Variants in WDTC1 observed in about 807,000 individuals in gnomAD.
WDTC1 encodes WD and tetratricopeptide repeats protein 1.
WDTC1 carries 12 observed loss-of-function variants against 76.0 expected under a neutral mutation model. The observed-to-expected ratio is 0.16, with a 90% CI of 0.10 to 0.26. The LOEUF is 0.26. Ranked by LOEUF, WDTC1 falls within the 10% of genes least tolerant of loss-of-function variation. WDTC1 has a pLI of 1.00. For missense variants in WDTC1, 511 were observed against 908.8 expected (o/e 0.56, Z 5.63); for synonymous variants, 326 against 350.8 (o/e 0.93, Z 0.79).
chr1:27,237,861 CAA>C (rs11427877), intron 1 of WDTC1, among the ~76,000 whole-genome samples: 10 of 126,286 alleles, frequency 7.9e-5, no homozygotes, highest in African/African-American at 1.9e-4. Context: ...AACTCCATCT[CAA>C]AAAAAAAAAA....
chr1:27,254,238 C>T (rs1046598220), intron 1 of WDTC1, among the ~76,000 whole-genome samples: 10 of 152,114 alleles, frequency 6.6e-5, no homozygotes, highest in Non-Finnish European at 1.3e-4. Flanking sequence ...TAGGCATGCT[C>T]CAAGATGAGC....
At chr1:27,256,210 C>T (rs2012275096) in intron 1 of WDTC1, among the ~76,000 whole-genome samples, 1 of 152,098 alleles carries the variant, frequency 6.6e-6, no homozygotes, top group Non-Finnish European at 1.5e-5. Context: ...CCACTACTTA[C>T]ACAGCTAACA....
intron 1 of WDTC1, among the ~76,000 whole-genome samples, chr1:27,251,781 C>T (rs147705686): frequency 1.7e-4 from 26 of 151,638 alleles, no homozygotes; most frequent in Non-Finnish European, 2.9e-4. Flanking sequence ...ATGCTATGAT[C>T]GCACCACTAT....
intron 3 of WDTC1, among the ~76,000 whole-genome samples, chr1:27,277,591 C>T (rs1364478644): frequency 6.6e-6 from 1 of 152,060 alleles, no homozygotes; most frequent in East Asian, 1.9e-4. Flanking sequence ...GCCCCTGTTC[C>T]CAGCCTGTCT....
At chr1:27,247,771 T>G (rs2147910549) in intron 1 of WDTC1, among the ~76,000 whole-genome samples, 1 of 149,938 alleles carries the variant, frequency 6.7e-6, no homozygotes, top group East Asian at 2.0e-4. Flanking sequence ...CAGCCTGGAG[T>G]GCAATGGCGT....
At chr1:27,300,828 G>A (rs1052442390) in intron 12 of WDTC1, among the ~76,000 whole-genome samples, 3 of 152,190 alleles carry the variant, frequency 2.0e-5, no homozygotes, top group African/African-American at 7.2e-5. Flanking sequence ...TGGCTTTGAA[G>A]GCCAGCCGGG....
chr1:27,253,238 G>A (rs2147919402), intron 1 of WDTC1, among the ~76,000 whole-genome samples: 1 of 152,120 alleles, frequency 6.6e-6, no homozygotes, highest in Non-Finnish European at 1.5e-5. Context: ...TTGATCTCCT[G>A]ACCTTGGCCT....
intron 1 of WDTC1, among the ~76,000 whole-genome samples, chr1:27,245,598 C>T (rs1175880860): frequency 6.7e-6 from 1 of 149,706 alleles, no homozygotes; most frequent in African/African-American, 2.5e-5. Flanking sequence ...GAGACAGAGT[C>T]TTGCCCTGTC....
At chr1:27,278,510 A>G (rs1306028617) in intron 3 of WDTC1, among the ~76,000 whole-genome samples, 1 of 152,182 alleles carries the variant, frequency 6.6e-6, no homozygotes, top group Admixed American at 6.5e-5. Context: ...GACCAACACA[A>G]TTCCTGGCCC....
chr1:27,241,980 C>T (rs1055000008), intron 1 of WDTC1, among the ~76,000 whole-genome samples: 3 of 151,590 alleles, frequency 2.0e-5, no homozygotes, highest in Admixed American at 1.3e-4. Context: ...CAGCCTCAGG[C>T]TCCTGGGTTC....
At chr1:27,244,303 C>G (rs989846626) in intron 1 of WDTC1, among the ~76,000 whole-genome samples, 3 of 152,004 alleles carry the variant, frequency 2.0e-5, no homozygotes, top group Non-Finnish European at 4.4e-5. Context: ...CAGCTACACT[C>G]TTCATTTTAT....
Position 27,303,217 on chromosome 1 carries a change from T to C in WDTC1, c.1469-404T>C, listed in dbSNP as rs1265090781. Reference sequence around the variant, plus strand: ...TGAACCTTGGAGGTGGAGGTTGCAGTGAGCCGAGATCACGCCACTGCACTC... The same window carrying C: ...TGAACCTTGGAGGTGGAGGTTGCAGCGAGCCGAGATCACGCCACTGCACTC... On this transcript the variant is annotated intron_variant, in intron 13 of 15. Transcript: ENST00000319394. The surrounding 1 kb of genome is among the most constrained non-coding windows in gnomAD (Gnocchi z 4.8). Among the ~76,000 whole-genome samples the C allele has an allele frequency of 6.7e-6, 1 of 149,268 alleles. No homozygotes were observed. Among genetic ancestry groups the C allele is most frequent in the African/African-American group, 2.5e-5 (1 of 40,330 alleles).
At position 27,305,190 on chromosome 1, in the gene WDTC1, A is replaced by G. The variant is rs1295546222; in HGVS notation, c.1833A>G (p.Pro611=). The G allele has an allele frequency of 6.2e-6, 10 of 1,613,322 alleles. No homozygotes were observed. The Admixed American group carries it at 1.0e-4, about 16-fold the overall frequency. Residue 611 remains proline, a synonymous_variant, in exon 15 of 16, where the codon CCA becomes CCG. Coordinates refer to ENST00000319394, the MANE Select transcript of WDTC1 (RefSeq NM_001276252.2). This position sits in a 1 kb window ranked among gnomAD's most constrained non-coding sequence, Gnocchi z 4.6. Reference sequence around the variant, plus strand: ...TTGTGCGGCTCTGGAACCCCCGACCAGAGGTGAGGGTGCAGAGCCAAGCAG... The same window carrying G: ...TTGTGCGGCTCTGGAACCCCCGACCGGAGGTGAGGGTGCAGAGCCAAGCAG... The part of the protein sequence containing the change: ...DPVVRLWNPR[P]ESEDLTGRVV...
intron 5 of WDTC1, among the ~76,000 whole-genome samples, chr1:27,285,388 T>C (rs1253553963): frequency 6.6e-6 from 1 of 152,148 alleles, no homozygotes; most frequent in African/African-American, 2.4e-5. Flanking sequence ...GAGTGAATTG[T>C]TGTTCTTTGT....
At chr1:27,252,140 G>A (rs1017289283) in intron 1 of WDTC1, among the ~76,000 whole-genome samples, 1 of 152,032 alleles carries the variant, frequency 6.6e-6, no homozygotes, top group Non-Finnish European at 1.5e-5. Context: ...GAGCCCAGGA[G>A]TTGGAGACCA....
intron 6 of WDTC1, among the ~76,000 whole-genome samples, chr1:27,289,443 C>G (rs1401860547): frequency 6.6e-6 from 1 of 150,526 alleles, no homozygotes; most frequent in African/African-American, 2.5e-5. Flanking sequence ...CGGGCAGAGA[C>G]GCTCCTCACT....
chr1:27,273,233 G>T (rs1422221840), intron 3 of WDTC1, among the ~76,000 whole-genome samples: 2 of 130,200 alleles, frequency 1.5e-5, no homozygotes, highest in African/African-American at 5.6e-5. Flanking sequence ...TTTTGAGATG[G>T]AGTCTCGCTC....
intron 5 of WDTC1, among the ~76,000 whole-genome samples, chr1:27,285,601 A>T (rs1386661220): frequency 6.6e-6 from 1 of 151,748 alleles, no homozygotes; most frequent in Non-Finnish European, 1.5e-5. Context: ...AGAACTACAT[A>T]CTTTCTTTCT....
intron 3 of WDTC1, among the ~76,000 whole-genome samples, chr1:27,264,926 C>T (rs1161963851): frequency 1.3e-5 from 2 of 152,072 alleles, no homozygotes; most frequent in African/African-American, 4.8e-5. Context: ...CCTCAGCCCC[C>T]TGAATAGCTG....
Sources: gnomAD v4.1 joint callset for allele counts (sites outside exome capture counted in the v4.1 genomes callset) on GRCh38, gnomAD v4.1.1 for gene constraint, Gnocchi (gnomAD v3.1) non-coding constraint, MANE v1.5 for transcripts, NCBI Gene and HGNC (gene_info 2026-07-23, HGNC 2026-07-21) for gene names.